The following FAM219A variants were observed in gnomAD, a reference collection of about 807,000 sequenced individuals.
FAM219A encodes family with sequence similarity 219 member A.
In FAM219A, 7 loss-of-function variants were observed where a neutral mutation model predicts 23.4. The ratio of observed to expected loss-of-function variants is 0.30; its 90% CI spans 0.17 to 0.56. The LOEUF is 0.56. Ranked by LOEUF, FAM219A falls within the 20% of genes least tolerant of loss-of-function variation. The probability of loss-of-function intolerance (pLI) is 0.92; values close to 1 mark genes in which losing one functional copy is unlikely to be tolerated. For synonymous variants in FAM219A, 93 were observed against 99.0 expected (o/e 0.94, Z 0.36); for missense variants, 166 against 246.9 (o/e 0.67, Z 2.20).
Position 34,398,735 on chromosome 9 carries a change from C to T in FAM219A, c.*2229G>A, listed in dbSNP as rs1821311064. ...TCTAGAAAGGTGAGCCAAGGAGCCC[C>T]GGGGTGGTGGTGGTGGTAGTGGGAG... On this transcript the variant is annotated 3_prime_UTR_variant, in exon 6 of 6. Coordinates refer to ENST00000651358, the MANE Select transcript of FAM219A (RefSeq NM_001184940.2). 1 of 168,128 alleles carries T rather than the reference C, an allele frequency of 5.9e-6. No homozygotes were observed. Among genetic ancestry groups the T allele is most frequent in the East Asian group, 1.5e-4 (1 of 6,702 alleles). 10.4% of individuals were successfully genotyped at this position (168,128 alleles called of 1,614,324 possible).
At chr9:34,404,310 A>AACTAC (rs1467837483) in intron 2 of FAM219A, among the ~76,000 whole-genome samples, 1 of 152,238 alleles carries the variant, frequency 6.6e-6, no homozygotes, top group Non-Finnish European at 1.5e-5. Context: ...TACAAAGTAA[A>AACTAC]ACTACAAAAA....
chr9:34,416,199 G>T (rs533001635), intron 1 of FAM219A, among the ~76,000 whole-genome samples: 1 of 63,786 alleles, frequency 1.6e-5, no homozygotes, highest in Non-Finnish European at 3.1e-5. Flanking sequence ...AAGAAAGAAA[G>T]AAAGAAAGAA....
At chr9:34,425,096 C>T (rs567669043) in intron 1 of FAM219A, among the ~76,000 whole-genome samples, 30 of 152,268 alleles carry the variant, frequency 2.0e-4, no homozygotes, top group African/African-American at 5.8e-4. Flanking sequence ...TGAGCCACCG[C>T]GCCCAGCCCT....
rs766480938 is a variant in FAM219A, at chr9:34,400,933, C to T, written c.*31G>A. On this transcript the variant is annotated 3_prime_UTR_variant, in exon 6 of 6. Transcript: ENST00000651358. The stretch of plus-strand genomic sequence containing the variant: ...CCCGTCCTACCCGGCCCTTGGCGGC[C>T]CCGCCCCGGCGACCGCAGTGGCCCC... 1.3e-6 allele frequency: 2 copies of T among 1,505,452 alleles called. No individual in the cohort carries two copies. The highest frequency in any genetic ancestry group is 1.8e-6 in the Non-Finnish European group (2 of 1,123,978). The allele number at this position is 1,505,452 out of a possible 1,614,324, so 93.3% of individuals were successfully genotyped here. A position where few individuals can be genotyped will look rare whatever the true frequency, so the allele number is the denominator to read the frequency against.
chr9:34,457,130 T>C lies in FAM219A; in HGVS notation c.60+1074A>G, dbSNP rs771165663. Among the ~76,000 whole-genome samples the C allele has an allele frequency of 7.2e-5, 11 of 152,200 alleles. No individual in the cohort carries two copies. Among genetic ancestry groups the C allele is most frequent in the Admixed American group, 4.6e-4 (7 of 15,278 alleles). ...TCAGAGAAATGGGGCATCCACACTT[T>C]CGGATTTGTAGCCCACCTTGCCTCC... On this transcript the variant is annotated intron_variant, in intron 1 of 5. Transcript: ENST00000651358. The surrounding 1 kb of genome is among the most constrained non-coding windows in gnomAD (Gnocchi z 5.1).
chr9:34,437,471 G>A (rs2077403), intron 1 of FAM219A, among the ~76,000 whole-genome samples: 27,589 of 152,150 alleles, frequency 0.18, 2,726 homozygotes, highest in East Asian at 0.33. Context: ...GGGGCTTTCA[G>A]TTCTAGAATA....
At chr9:34,455,843 C>T (rs1374689638) in intron 1 of FAM219A, among the ~76,000 whole-genome samples, 1 of 152,170 alleles carries the variant, frequency 6.6e-6, no homozygotes, top group Non-Finnish European at 1.5e-5. Context: ...GTCTATGACC[C>T]TCAAATGAGG....
At chr9:34,428,522 G>T (rs1822570475) in intron 1 of FAM219A, among the ~76,000 whole-genome samples, 1 of 152,214 alleles carries the variant, frequency 6.6e-6, no homozygotes, top group Admixed American at 6.5e-5. Context: ...GAATTCATGG[G>T]CCCTTGTTTG....
chr9:34,429,520 T>C (rs989738848), intron 1 of FAM219A, among the ~76,000 whole-genome samples: 2 of 152,144 alleles, frequency 1.3e-5, no homozygotes, highest in Non-Finnish European at 2.9e-5. Context: ...ATTTAATCCC[T>C]AGTATATGAT....
In FAM219A at chr9:34,398,565, A is replaced by C; in HGVS notation, c.*2399T>G. On this transcript the variant is annotated 3_prime_UTR_variant, in exon 6 of 6. Transcript: ENST00000651358. The stretch of plus-strand genomic sequence containing the variant: ...CCTCAGTTGGAAGCCCTTGCCTGCC[A>C]GGGAACTAGTATGTCCTGTGGGGGG... 1.6e-6 allele frequency: 1 copy of C among 611,394 alleles called. No individual in the cohort carries two copies. Among genetic ancestry groups the C allele is most frequent in the Non-Finnish European group, 2.9e-6 (1 of 347,822 alleles). 37.9% of individuals were successfully genotyped at this position (611,394 alleles called of 1,614,324 possible). A position where few individuals can be genotyped will look rare whatever the true frequency, so the allele number is the denominator to read the frequency against.
At chr9:34,443,265 C>T (rs2132006371) in intron 1 of FAM219A, among the ~76,000 whole-genome samples, 1 of 152,316 alleles carries the variant, frequency 6.6e-6, no homozygotes, top group East Asian at 1.9e-4. Flanking sequence ...GGACACCCTC[C>T]ACTATCACCA....
chr9:34,438,925 T>C (rs907712760), intron 1 of FAM219A, among the ~76,000 whole-genome samples: 1 of 152,254 alleles, frequency 6.6e-6, no homozygotes, highest in African/African-American at 2.4e-5. Context: ...CTACTGCTCA[T>C]TCTTTGGGTC....
intron 1 of FAM219A, among the ~76,000 whole-genome samples, chr9:34,426,345 C>G (rs1822470327): frequency 6.6e-6 from 1 of 152,112 alleles, no homozygotes; most frequent in Admixed American, 6.6e-5. Context: ...TGAGTTGTAT[C>G]TTTATAGATA....
intron 1 of FAM219A, among the ~76,000 whole-genome samples, chr9:34,408,628 T>C (rs1821723786): frequency 6.6e-6 from 1 of 152,188 alleles, no homozygotes. Flanking sequence ...CATTTCTCTG[T>C]CCTCCCACAA....
At chr9:34,428,794 C>T (rs1374349639) in intron 1 of FAM219A, among the ~76,000 whole-genome samples, 1 of 152,190 alleles carries the variant, frequency 6.6e-6, no homozygotes, top group Admixed American at 6.5e-5. Context: ...CTGGCAAAGT[C>T]CTCATCTGTT....
intron 1 of FAM219A, among the ~76,000 whole-genome samples, chr9:34,410,966 C>T (rs2131940806): frequency 6.6e-6 from 1 of 152,280 alleles, no homozygotes; most frequent in South Asian, 2.1e-4. Context: ...GCATAGTATA[C>T]CCTTAGCACT....
chr9:34,437,649 C>T (rs1165911707), intron 1 of FAM219A, among the ~76,000 whole-genome samples: 15 of 152,252 alleles, frequency 9.9e-5, no homozygotes, highest in Admixed American at 9.8e-4. Context: ...TCTCACTTTC[C>T]TTCTCTGTAG....
In FAM219A at chr9:34,398,592, G is replaced by A. The variant is rs904314569; in HGVS notation, c.*2372C>T. ...GGAACTAGTATGTCCTGTGGGGGGG[G>A]AGATTTTCCCTGGTGTCTCAGGGCC... is the stretch of plus-strand genomic sequence containing the variant. On this transcript the variant is annotated 3_prime_UTR_variant, in exon 6 of 6. Transcript: ENST00000651358. 32 of 571,852 alleles carry A rather than the reference G, an allele frequency of 5.6e-5. No individual in the cohort carries two copies. In the Admixed American group the frequency reaches 6.9e-4, roughly 12 times the overall value. 35.4% of individuals were successfully genotyped at this position (571,852 alleles called of 1,614,324 possible).
At chr9:34,437,787 T>C (rs1430356855) in intron 1 of FAM219A, among the ~76,000 whole-genome samples, 1 of 152,228 alleles carries the variant, frequency 6.6e-6, no homozygotes, top group Non-Finnish European at 1.5e-5. Flanking sequence ...CCTCGGTCGC[T>C]CTCAGCGCCT....
Sources: gnomAD v4.1 joint callset for allele counts (sites outside exome capture counted in the v4.1 genomes callset) on GRCh38, gnomAD v4.1.1 for gene constraint, Gnocchi (gnomAD v3.1) non-coding constraint, MANE v1.5 for transcripts, NCBI Gene and HGNC (gene_info 2026-07-23, HGNC 2026-07-21) for gene names.